Variants in CDK12 observed in about 807,000 individuals in gnomAD.
CDK12 encodes the protein cyclin-dependent kinase 12.
Under a neutral mutation model 133.8 loss-of-function variants are expected in CDK12, and 17 were observed. The observed-to-expected ratio is 0.13, with a 90% CI of 0.09 to 0.19. The LOEUF (loss-of-function observed/expected upper bound fraction) is 0.19. Ranked by LOEUF, CDK12 falls within the 10% of genes least tolerant of loss-of-function variation. The pLI is 1.00. For missense variants in CDK12, 1,508 were observed against 1,818.7 expected (o/e 0.83, Z 3.11); for synonymous variants, 694 against 683.6 (o/e 1.02, Z -0.24).
chr17:39,527,365 T>C (rs553338340), intron 13 of CDK12, among the ~76,000 whole-genome samples: 1 of 152,358 alleles, frequency 6.6e-6, no homozygotes, highest in Admixed American at 6.5e-5. Flanking sequence ...TCACTTGTTC[T>C]TGTTTCTCCC....
At chr17:39,470,223 C>G (rs1361676650) in intron 1 of CDK12, among the ~76,000 whole-genome samples, 1 of 151,656 alleles carries the variant, frequency 6.6e-6, no homozygotes, top group East Asian at 1.9e-4. Context: ...CAGGTTCATG[C>G]CATTCTCCTG....
At position 39,490,583 on chromosome 17, in the gene CDK12, C is replaced by T; in HGVS notation, c.1958C>T (p.Pro653Leu). The change falls in exon 3 of 14, where the codon CCT becomes CTT. Residue 653 changes from proline to leucine, a missense_variant. Coordinates refer to ENST00000447079, the MANE Select transcript of CDK12 (RefSeq NM_016507.4). ...DSPKETLPSK[P>L]VKKEKEQRTR... ...CCAAAAGAAACTCTTCCTTCAAAAC[C>T]TGTGAAGAAAGAGAAGGAACAGAGG... 6.2e-7 allele frequency: 1 copy of T among 1,612,216 alleles called. No homozygotes were observed. The highest frequency in any genetic ancestry group is 8.5e-7 in the Non-Finnish European group (1 of 1,179,006).
At position 39,524,717 on chromosome 17, in the gene CDK12, C is replaced by T. The variant is rs1237299610; in HGVS notation, c.3139C>T (p.Arg1047Trp). The change falls in exon 12 of 14, where the codon CGG becomes TGG. Residue 1047 changes from arginine (R) to tryptophan (W), a missense_variant. By Grantham distance (101) the Arg-to-Trp change is moderately radical (BLOSUM62 -3). This residue lies in a region of CDK12 where 399 missense variants were observed against 469.6 expected (regional missense o/e 0.85). Transcript: ENST00000447079. ...QDCHELWSKK[R>W]RRQRQSGVVV... ...TTGCCATGAGTTGTGGAGTAAGAAA[C>T]GGCGACGTCAGCGACAAAGTGGTGT... 1.9e-6 allele frequency: 3 copies of T among 1,614,178 alleles called. No homozygotes were observed. The highest frequency in any genetic ancestry group is 2.2e-5 in the East Asian group (1 of 44,890).
At chr17:39,506,212 ATTTTTTTTT>A (rs1177367409) in intron 6 of CDK12, among the ~76,000 whole-genome samples, 1 of 119,776 alleles carries the variant, frequency 8.3e-6, no homozygotes, top group African/African-American at 3.6e-5. Flanking sequence ...TGATTATATG[ATTTTTTTTT>A]TTTTTTTTTT....
At chr17:39,502,076 C>T (rs1463951304) in intron 6 of CDK12, among the ~76,000 whole-genome samples, 1 of 151,764 alleles carries the variant, frequency 6.6e-6, no homozygotes, top group Admixed American at 6.6e-5. Flanking sequence ...AACTCCTGAC[C>T]TCGTGATCCA....
In CDK12 at chr17:39,534,397, GAC is replaced by G. The variant is rs2055036743; in HGVS notation, c.*3084_*3085del. ...CTCATTCTCCCTGATTTAGGTTCCTGACACTGATTCCTTTCTCTCTCGTTTTT... is the reference window on the plus strand; with the variant it reads ...CTCATTCTCCCTGATTTAGGTTCCTGACTGATTCCTTTCTCTCTCGTTTTT... On this transcript the variant is annotated 3_prime_UTR_variant, in exon 14 of 14. Transcript: ENST00000447079. 4.3e-6 allele frequency: 1 copy of G among 232,878 alleles called. No homozygotes were observed. The highest frequency in any genetic ancestry group is 8.5e-6 in the Non-Finnish European group (1 of 117,760). 14.4% of individuals were successfully genotyped at this position (232,878 alleles called of 1,614,324 possible).
upstream of CDK12, among the ~76,000 whole-genome samples, chr17:39,544,857 C>T (rs1409718488): frequency 3.3e-5 from 5 of 151,850 alleles, no homozygotes; most frequent in African/African-American, 1.2e-4. Context: ...CTCCAACTCC[C>T]GACCTCAGGT....
chr17:39,530,705 A>G lies in CDK12; in HGVS notation c.3862A>G (p.Ser1288Gly), dbSNP rs1291448336. Residue 1288 changes from serine to glycine, a missense_variant, in exon 14 of 14, where the codon AGC becomes GGC. Around this residue, in one of 9 missense-constraint regions of CDK12, gnomAD observed 399 missense variants for 469.6 expected, o/e 0.85. Coordinates refer to ENST00000447079, the MANE Select transcript of CDK12 (RefSeq NM_016507.4). The part of the protein sequence containing the change: ...PPPLVEGDLS[S>G]APQELNPAVT... ...CCCTCTGGTTGAAGGCGATCTTTCC[A>G]GCGCCCCCCAGGAGTTGAACCCAGC... is the stretch of plus-strand genomic sequence containing the variant. 1.3e-6 allele frequency: 2 copies of G among 1,583,734 alleles called. No individual in the cohort carries two copies. Among genetic ancestry groups the G allele is most frequent in the East Asian group, 2.4e-5 (1 of 42,398 alleles).
intron 2 of CDK12, among the ~76,000 whole-genome samples, chr17:39,472,980 G>A (rs1242077837): frequency 6.6e-6 from 1 of 152,036 alleles, no homozygotes; most frequent in East Asian, 1.9e-4. Flanking sequence ...GGAGGCTGAG[G>A]CAGGAGAATG....
At chr17:39,493,895 C>T (rs545754666) in intron 4 of CDK12, among the ~76,000 whole-genome samples, 6 of 151,840 alleles carry the variant, frequency 4.0e-5, no homozygotes, top group Non-Finnish European at 7.4e-5. Flanking sequence ...ACTCAGGAGG[C>T]GGAGGCAGGA....
At position 39,532,206 on chromosome 17, in the gene CDK12, G is replaced by C. The variant is rs560405412; in HGVS notation, c.*890G>C. ...AGGCATTTGTTTGGAAAAAATCGTT[G>C]AGATGCCCAAGAACCTGGGATAATT... On this transcript the variant is annotated 3_prime_UTR_variant, in exon 14 of 14. Coordinates refer to ENST00000447079, the MANE Select transcript of CDK12 (RefSeq NM_016507.4). 1 of 232,758 alleles carries C rather than the reference G, an allele frequency of 4.3e-6. No individual in the cohort carries two copies. The highest frequency in any genetic ancestry group is 5.6e-5 in the Admixed American group (1 of 17,722). 14.4% of individuals were successfully genotyped at this position (232,758 alleles called of 1,614,324 possible).
chr17:39,497,270 G>GT (rs1174663604), intron 5 of CDK12, among the ~76,000 whole-genome samples: 2 of 152,110 alleles, frequency 1.3e-5, no homozygotes, highest in Non-Finnish European at 2.9e-5. Flanking sequence ...TGGGCTAGGT[G>GT]TGGTTGCTTA....
chr17:39,545,498 T>C (rs1056082568), upstream of CDK12, among the ~76,000 whole-genome samples: 9 of 98,864 alleles, frequency 9.1e-5, no homozygotes, highest in African/African-American at 2.5e-4. Context: ...CCAAAAAGCT[T>C]TTTTTTTTTT....
intron 2 of CDK12, among the ~76,000 whole-genome samples, chr17:39,476,492 C>T (rs1374366364): frequency 6.6e-6 from 1 of 151,802 alleles, no homozygotes; most frequent in Non-Finnish European, 1.5e-5. Context: ...GTGATCTCGG[C>T]TGCATCCGCC....
rs138857573 is a variant in CDK12, at chr17:39,509,974, G to C, written c.2666+213G>C. On this transcript the variant is annotated intron_variant, in intron 7 of 13. Transcript: ENST00000447079. Reference sequence around the variant, plus strand: ...GTGCCATCACACCTGGCTAATTTTTGTATTTTTAGTAGAGACGGGGTTTTG... The same window carrying C: ...GTGCCATCACACCTGGCTAATTTTTCTATTTTTAGTAGAGACGGGGTTTTG... 6.0e-3 allele frequency among the ~76,000 whole-genome samples: 910 copies of C among 151,918 alleles called. 15 individuals carry two copies. Among genetic ancestry groups the C allele is most frequent in the African/African-American group, 0.021 (868 of 41,446 alleles).
intron 2 of CDK12, among the ~76,000 whole-genome samples, chr17:39,483,687 ACAATTTATTT>A (rs1454296155): frequency 6.8e-6 from 1 of 147,534 alleles, no homozygotes; most frequent in African/African-American, 2.6e-5. Flanking sequence ...TTAAACAGTT[ACAATTTATTT>A]ATTTATTTAT....
intron 8 of CDK12, among the ~76,000 whole-genome samples, chr17:39,512,578 A>T (rs1295158652): frequency 6.6e-6 from 1 of 152,246 alleles, no homozygotes; most frequent in Non-Finnish European, 1.5e-5. Flanking sequence ...CACACATACC[A>T]CTTTACATAA....
At chr17:39,484,898 C>T (rs1231672720) in intron 2 of CDK12, among the ~76,000 whole-genome samples, 1 of 152,062 alleles carries the variant, frequency 6.6e-6, no homozygotes, top group Non-Finnish European at 1.5e-5. Flanking sequence ...AGGCCGGGTG[C>T]GGTGGCTCAC....
chr17:39,562,376 C>T (rs1485133487), intron 3 of CDK12, among the ~76,000 whole-genome samples: 1 of 152,164 alleles, frequency 6.6e-6, no homozygotes, highest in African/African-American at 2.4e-5. Flanking sequence ...CCTCTACCCA[C>T]TCTGAGATTT....
Sources: allele counts gnomAD v4.1 joint callset (sites outside exome capture counted in the v4.1 genomes callset), GRCh38; gene constraint gnomAD v4.1.1; regional missense constraint gnomAD v4.1.1; transcripts MANE v1.5; gene names NCBI Gene and HGNC (gene_info 2026-07-23, HGNC 2026-07-21).